The following TMEM132D variants were observed in gnomAD, a reference collection of about 807,000 sequenced individuals.
TMEM132D encodes transmembrane protein 132D.
In TMEM132D, 21 loss-of-function variants were observed where a neutral mutation model predicts 62.3. The ratio of observed to expected loss-of-function variants is 0.34; its 90% CI spans 0.24 to 0.49. The LOEUF is 0.49. TMEM132D is among the 20% of genes least tolerant of loss of function. The pLI is 0.99. For synonymous variants in TMEM132D, 621 were observed against 575.6 expected, an observed-to-expected ratio of 1.08 and a Z score of -1.13; for missense variants, 1,346 against 1,402.8, an observed-to-expected ratio of 0.96 and a Z score of 0.65.
intron 2 of TMEM132D, among the ~76,000 whole-genome samples, chr12:129,635,663 GT>G (rs1879457907): frequency 6.6e-6 from 1 of 152,200 alleles, no homozygotes; most frequent in African/African-American, 2.4e-5. Context: ...GCAAGTTTTA[GT>G]TAATTAAGTT....
chr12:129,329,310 G>A (rs917625281), intron 4 of TMEM132D, among the ~76,000 whole-genome samples: 1 of 152,052 alleles, frequency 6.6e-6, no homozygotes, highest in African/African-American at 2.4e-5. Context: ...TTCAAGGGCT[G>A]TCTTAATTTG....
At chr12:129,479,811 T>G (rs1277389071) in intron 3 of TMEM132D, among the ~76,000 whole-genome samples, 2 of 87,192 alleles carry the variant, frequency 2.3e-5, no homozygotes, top group Non-Finnish European at 4.5e-5. Context: ...TCCTAGAGAT[T>G]TGAAGAAAGT....
At chr12:129,656,662 C>T (rs924849818) in intron 2 of TMEM132D, among the ~76,000 whole-genome samples, 1 of 152,210 alleles carries the variant, frequency 6.6e-6, no homozygotes, top group African/African-American at 2.4e-5. Flanking sequence ...AGCTCTAGAT[C>T]ACCACTGCCA....
At chr12:129,398,093 G>A (rs1016707294) in intron 3 of TMEM132D, among the ~76,000 whole-genome samples, 1 of 152,204 alleles carries the variant, frequency 6.6e-6, no homozygotes, top group African/African-American at 2.4e-5. Context: ...ACTGTGCTGA[G>A]GACAGGAGAC....
chr12:129,253,799 G>A (rs1880331197), intron 4 of TMEM132D, among the ~76,000 whole-genome samples: 1 of 152,198 alleles, frequency 6.6e-6, no homozygotes, highest in East Asian at 1.9e-4. Context: ...CTCAGTGGAT[G>A]CACTTCCAGG....
chr12:129,227,911 C>A (rs112554028), intron 4 of TMEM132D, among the ~76,000 whole-genome samples: 3,421 of 152,228 alleles, frequency 0.022, 112 homozygotes, highest in African/African-American at 0.075. Flanking sequence ...ATCCATGTCC[C>A]TACAAATGAC....
chr12:129,077,747 A>G (rs1297939227), intron 8 of TMEM132D, among the ~76,000 whole-genome samples: 1 of 152,170 alleles, frequency 6.6e-6, no homozygotes, highest in African/African-American at 2.4e-5. Flanking sequence ...ATGCATACAT[A>G]CAACACACGA....
intron 4 of TMEM132D, among the ~76,000 whole-genome samples, chr12:129,257,035 C>G (rs180966171): frequency 1.3e-5 from 2 of 152,048 alleles, no homozygotes; most frequent in South Asian, 4.2e-4. Context: ...CTGGTCTATC[C>G]GAGTGAGGTA....
At chr12:129,647,451 C>T (rs750130644) in intron 2 of TMEM132D, among the ~76,000 whole-genome samples, 3 of 152,068 alleles carry the variant, frequency 2.0e-5, no homozygotes, top group Non-Finnish European at 4.4e-5. Context: ...TGTAGGAGAG[C>T]TTCTGGGTGT....
rs547141138 is a variant in TMEM132D at position 129,809,124 on chromosome 12, G to A, written c.79+94137C>T. 6.2e-4 allele frequency among the ~76,000 whole-genome samples: 95 copies of A among 152,080 alleles called. 2 individuals carry two copies. The South Asian group carries it at 0.018, about 29-fold the overall frequency. On this transcript the variant is annotated intron_variant, in intron 1 of 8. Transcript: ENST00000422113. ...GGTGTTCGAGACCAGCCTGGCCAAC[G>A]TGGTGAAACCTCGTCTCTACTAAAA... is the stretch of plus-strand genomic sequence containing the variant.
intron 4 of TMEM132D, among the ~76,000 whole-genome samples, chr12:129,332,958 A>G (rs114809709): frequency 0.017 from 2,627 of 152,298 alleles, 70 homozygotes; most frequent in African/African-American, 0.06. Flanking sequence ...ATGAGAAAAT[A>G]CTTAACATTA....
At chr12:129,556,812 T>A (rs1214978174) in intron 2 of TMEM132D, among the ~76,000 whole-genome samples, 1 of 152,126 alleles carries the variant, frequency 6.6e-6, no homozygotes, top group Non-Finnish European at 1.5e-5. Context: ...GGATGGGGGT[T>A]CCCATATTAG....
intron 4 of TMEM132D, among the ~76,000 whole-genome samples, chr12:129,305,506 C>A (rs569725887): frequency 6.6e-6 from 1 of 152,188 alleles, no homozygotes; most frequent in East Asian, 1.9e-4. Context: ...TGTATGCCCC[C>A]CAAAAACCCC....
intron 4 of TMEM132D, among the ~76,000 whole-genome samples, chr12:129,307,831 A>G (rs1881880183): frequency 6.6e-6 from 1 of 152,178 alleles, no homozygotes; most frequent in Admixed American, 6.5e-5. Flanking sequence ...CTTTCTTTCA[A>G]TGCAGTCTCT....
chr12:129,091,378 A>G (rs1373685284), intron 5 of TMEM132D, among the ~76,000 whole-genome samples: 1 of 121,794 alleles, frequency 8.2e-6, no homozygotes, highest in Non-Finnish European at 1.8e-5. Flanking sequence ...CTAAGCTCAC[A>G]TGGTCTCTGG....
At chr12:129,692,890 C>CA (rs2137218215) in intron 2 of TMEM132D, among the ~76,000 whole-genome samples, 1 of 152,240 alleles carries the variant, frequency 6.6e-6, no homozygotes, top group South Asian at 2.1e-4. Context: ...AGAACTAATG[C>CA]ATGCTGGGCT....
intron 4 of TMEM132D, among the ~76,000 whole-genome samples, chr12:129,290,958 T>C (rs890529225): frequency 6.6e-6 from 1 of 152,224 alleles, no homozygotes; most frequent in Non-Finnish European, 1.5e-5. Flanking sequence ...TCATTACTCT[T>C]AAAATTTTCC....
At chr12:129,790,564 GCTTCTCCT>G (rs1434881642) in intron 1 of TMEM132D, among the ~76,000 whole-genome samples, 14 of 152,208 alleles carry the variant, frequency 9.2e-5, no homozygotes, top group Admixed American at 9.2e-4. Flanking sequence ...ATGTCCAGCT[GCTTCTCCT>G]CTTCTCCTCT....
intron 3 of TMEM132D, among the ~76,000 whole-genome samples, chr12:129,394,908 A>T (rs1871381125): frequency 6.6e-6 from 1 of 152,228 alleles, no homozygotes; most frequent in Admixed American, 6.5e-5. Flanking sequence ...TTGTGGCAAT[A>T]GGTACACTCC....
Sources: allele counts gnomAD v4.1 joint callset (sites outside exome capture counted in the v4.1 genomes callset), GRCh38; gene constraint gnomAD v4.1.1; transcripts MANE v1.5; gene names NCBI Gene and HGNC (gene_info 2026-07-23, HGNC 2026-07-21).